The following SOX5 variants were observed in gnomAD, a reference collection of about 807,000 sequenced individuals.
The protein encoded by SOX5 is transcription factor SOX-5.
SOX5 carries 9 observed loss-of-function variants against 92.0 expected under a neutral mutation model. The ratio of observed to expected loss-of-function variants is 0.10; its 90% CI spans 0.06 to 0.17. The LOEUF (loss-of-function observed/expected upper bound fraction) is 0.17. Among genes scored for constraint, SOX5 ranks in the 10% least tolerant of loss-of-function variants. The pLI, the probability that SOX5 is intolerant of heterozygous loss-of-function variation, is 1.00. For missense variants in SOX5, 642 were observed against 944.5 expected, an observed-to-expected ratio of 0.68 and a Z score of 4.20; for synonymous variants, 344 against 336.3, an observed-to-expected ratio of 1.02 and a Z score of -0.25.
At chr12:23,950,928 A>G, upstream of SOX5, 1 of 1,505,518 alleles carries the variant, frequency 6.6e-7, no homozygotes, top group Admixed American at 2.0e-5. Flanking sequence ...GTCAGGGAGT[A>G]AGCACACACT....
intron 4 of SOX5, among the ~76,000 whole-genome samples, chr12:23,987,093 A>G (rs537618235): frequency 6.6e-6 from 1 of 152,358 alleles, no homozygotes; most frequent in South Asian, 2.1e-4. Flanking sequence ...TTAAATGCCT[A>G]CTAAGTGTTA....
chr12:23,606,611 TTTAAATATTAGGCAC>T (rs974318351), intron 8 of SOX5, among the ~76,000 whole-genome samples: 5 of 151,938 alleles, frequency 3.3e-5, no homozygotes, highest in Admixed American at 3.3e-4. Flanking sequence ...TGATTCAATA[TTTAAATATTAGGCAC>T]CAGAGACAGT....
At chr12:24,467,513 C>A (rs1304153624) in intron 1 of SOX5, among the ~76,000 whole-genome samples, 2 of 150,446 alleles carry the variant, frequency 1.3e-5, no homozygotes, top group Non-Finnish European at 1.5e-5. Flanking sequence ...TTTGCAAATG[C>A]ATGGAAGCAG....
intron 4 of SOX5, among the ~76,000 whole-genome samples, chr12:24,189,155 C>T (rs12315411): frequency 0.041 from 6,288 of 152,138 alleles, 131 homozygotes; most frequent in South Asian, 0.066. Context: ...GGCTTTGTGA[C>T]GGCTGTTAGA....
intron 4 of SOX5, among the ~76,000 whole-genome samples, chr12:24,103,429 A>G (rs1240300201): frequency 6.6e-6 from 1 of 151,788 alleles, no homozygotes; most frequent in Non-Finnish European, 1.5e-5. Flanking sequence ...ATCGTAGCTC[A>G]CTTTAGCCTC....
intron 9 of SOX5, among the ~76,000 whole-genome samples, chr12:23,583,002 G>A (rs542505501): frequency 3.3e-5 from 5 of 151,940 alleles, no homozygotes; most frequent in South Asian, 2.1e-4. Flanking sequence ...TTAATGCCTC[G>A]ATGCTGTAAA....
At chr12:24,324,043 C>G (rs1003575606) in intron 2 of SOX5, among the ~76,000 whole-genome samples, 1 of 152,084 alleles carries the variant, frequency 6.6e-6, no homozygotes, top group Non-Finnish European at 1.5e-5. Flanking sequence ...TGGACTGGAT[C>G]GTCCTTTGCT....
intron 1 of SOX5, among the ~76,000 whole-genome samples, chr12:24,474,188 G>A (rs184844456): frequency 6.6e-6 from 1 of 152,102 alleles, no homozygotes; most frequent in African/African-American, 2.4e-5. Context: ...AAAACAATGA[G>A]ATTTTATAAA....
At chr12:23,665,607 T>C in intron 6 of SOX5, 43 bp from the exon 7 acceptor site, 2 of 1,561,226 alleles carry the variant, frequency 1.3e-6, no homozygotes, top group Non-Finnish European at 1.7e-6. Flanking sequence ...GAAGTTTCGA[T>C]GCTCCATGCT....
At chr12:23,891,473 G>A (rs2097128918) in intron 2 of SOX5, among the ~76,000 whole-genome samples, 1 of 152,172 alleles carries the variant, frequency 6.6e-6, no homozygotes, top group African/African-American at 2.4e-5. Context: ...CAGCATTACA[G>A]GGATCACTCA....
intron 2 of SOX5, among the ~76,000 whole-genome samples, chr12:24,297,420 G>A (rs1947395088): frequency 6.6e-6 from 1 of 152,158 alleles, no homozygotes; most frequent in Non-Finnish European, 1.5e-5. Context: ...CTGAAAAGCA[G>A]CCCAATACCG....
At chr12:24,437,916 G>T (rs1939756950) in intron 1 of SOX5, among the ~76,000 whole-genome samples, 1 of 152,120 alleles carries the variant, frequency 6.6e-6, no homozygotes, top group Non-Finnish European at 1.5e-5. Flanking sequence ...ATTTGACCCA[G>T]CAATCCCATT....
At chr12:23,840,904 G>A (rs755843854) in intron 3 of SOX5, among the ~76,000 whole-genome samples, 29 of 150,978 alleles carry the variant, frequency 1.9e-4, no homozygotes, top group African/African-American at 6.3e-4. Context: ...GACAAGATAG[G>A]AGAAAATCTA....
At chr12:24,237,686 C>G (rs949878066) in intron 3 of SOX5, 5 of 151,080 alleles carry the variant, frequency 3.3e-5, no homozygotes, top group African/African-American at 1.2e-4. Flanking sequence ...ACATAAAGAA[C>G]TTATTTTGTT....
At chr12:23,663,475 T>C (rs1374054654) in intron 7 of SOX5, among the ~76,000 whole-genome samples, 1 of 152,188 alleles carries the variant, frequency 6.6e-6, no homozygotes, top group Admixed American at 6.6e-5. Context: ...CTATTGTTCA[T>C]ACTAAATGTG....
intron 11 of SOX5, 26 bp downstream of exon 11, chr12:23,563,232 G>A: frequency 6.4e-7 from 1 of 1,565,308 alleles, no homozygotes; most frequent in East Asian, 2.3e-5. Context: ...AGTATTTCTA[G>A]AAAGTAAGTT....
chr12:24,245,130 C>A (rs961807615), intron 3 of SOX5, among the ~76,000 whole-genome samples: 1 of 152,082 alleles, frequency 6.6e-6, no homozygotes, highest in Non-Finnish European at 1.5e-5. Flanking sequence ...ATCATAGTCA[C>A]AATTTTATAT....
rs146692231 is a variant in SOX5, at chr12:24,041,168, A to G, written c.-1-145144T>C. On this transcript the variant is annotated intron_variant, in intron 4 of 4. Coordinates refer to the SOX5 transcript ENST00000446891. The stretch of plus-strand genomic sequence containing the variant: ...TCAAAGCTGAAGAATCCCAAATACC[A>G]GTTTTGATTGTCCCAGTGGGATGGG... Among the ~76,000 whole-genome samples, 16 of 152,300 alleles carry G rather than the reference A, an allele frequency of 1.1e-4. No individual in the cohort carries two copies. The East Asian group carries it at 2.9e-3, about 28-fold the overall frequency.
intron 3 of SOX5, among the ~76,000 whole-genome samples, chr12:24,230,872 G>T (rs1963245817): frequency 6.6e-6 from 1 of 152,182 alleles, no homozygotes; most frequent in East Asian, 1.9e-4. Context: ...ACACAGTCAT[G>T]ATATTGACTT....
Sources: allele counts gnomAD v4.1 joint callset (sites outside exome capture counted in the v4.1 genomes callset), GRCh38; gene constraint gnomAD v4.1.1; transcripts MANE v1.5; gene names NCBI Gene and HGNC (gene_info 2026-07-23, HGNC 2026-07-21).